RASEF: variants seen among roughly 807,000 people sequenced by gnomAD.
The protein encoded by RASEF is RAS and EF-hand domain containing.
Under a neutral mutation model 90.1 loss-of-function variants are expected in RASEF, and 68 were observed. The observed-to-expected ratio is 0.75, with a 90% confidence interval of 0.62 to 0.92. RASEF has a LOEUF of 0.92. RASEF is among the 40% of genes least tolerant of loss of function. RASEF has a pLI of 0.00. For synonymous variants in RASEF, 331 were observed against 345.2 expected, an observed-to-expected ratio of 0.96 and a Z score of 0.46; for missense variants, 949 against 937.2, an observed-to-expected ratio of 1.01 and a Z score of -0.16.
rs1828564088 is a variant in RASEF, at chr9:82,979,737, C to T, written c.*2940G>A. On this transcript the variant is annotated 3_prime_UTR_variant, in exon 17 of 17. Coordinates refer to ENST00000376447, the MANE Select transcript of RASEF (RefSeq NM_152573.4). ...CAGTATAAACGAAATATGGCCCACA[C>T]AATGAAAATGTAAACCATATAAATC... The T allele has an allele frequency of 6.6e-6, 1 of 152,058 alleles. No homozygotes were observed. Among genetic ancestry groups the T allele is most frequent in the Admixed American group, 6.6e-5 (1 of 15,260 alleles). 9.4% of individuals were successfully genotyped at this position (152,058 alleles called of 1,614,324 possible). A position where few individuals can be genotyped will look rare whatever the true frequency, so the allele number is the denominator to read the frequency against.
chr9:82,980,803 A>G lies in RASEF; in HGVS notation c.*1874T>C, dbSNP rs568919578. 1 of 152,336 alleles carries G rather than the reference A, an allele frequency of 6.6e-6. No homozygotes were observed. Among genetic ancestry groups the G allele is most frequent in the East Asian group, 1.9e-4 (1 of 5,182 alleles). The allele number at this position is 152,336 out of a possible 1,614,324, so 9.4% of individuals were successfully genotyped here. On this transcript the variant is annotated 3_prime_UTR_variant, in exon 17 of 17. Transcript: ENST00000376447. Reference sequence around the variant, plus strand: ...TTTTGAAAAATTTCCCATATGCAAGACATTCTTTATGATCAGAAATGTAAT... The same window carrying G: ...TTTTGAAAAATTTCCCATATGCAAGGCATTCTTTATGATCAGAAATGTAAT...
At chr9:83,054,538 C>T (rs1830068551) in intron 1 of RASEF, 1 of 146,766 alleles carries the variant, frequency 6.8e-6, no homozygotes, top group African/African-American at 2.6e-5. Flanking sequence ...GCCTTCTTCT[C>T]TCAGCTCGTC....
intron 14 of RASEF, among the ~76,000 whole-genome samples, chr9:82,996,111 C>T (rs573092421): frequency 6.6e-6 from 1 of 152,274 alleles, no homozygotes; most frequent in East Asian, 1.9e-4. Flanking sequence ...CAATTGCAAT[C>T]AGTCATTTCT....
chr9:83,010,837 G>C (rs1360219237), intron 5 of RASEF, among the ~76,000 whole-genome samples: 1 of 152,100 alleles, frequency 6.6e-6, no homozygotes, highest in Non-Finnish European at 1.5e-5. Flanking sequence ...CTTCAGGTGA[G>C]CATATCTGTT....
rs555243972 is a variant in RASEF at position 83,022,940 on chromosome 9, A to C, written c.579-514T>G. ...CATTTAGGTAATCCTTTATTGACCA[A>C]AACATTGTGATGTGGTACCTGACTA... On this transcript the variant is annotated intron_variant, in intron 2 of 16. Coordinates refer to ENST00000376447, the MANE Select transcript of RASEF (RefSeq NM_152573.4). Among the ~76,000 whole-genome samples, 8 of 152,348 alleles carry C rather than the reference A, an allele frequency of 5.3e-5. No individual in the cohort carries two copies. In the East Asian group the frequency reaches 1.5e-3, roughly 29 times the overall value.
At chr9:83,058,555 A>C (rs950720703) in intron 1 of RASEF, among the ~76,000 whole-genome samples, 11 of 152,270 alleles carry the variant, frequency 7.2e-5, no homozygotes, top group South Asian at 4.2e-4. Flanking sequence ...CATGTAAATT[A>C]AGGGAGCTGT....
At chr9:83,148,526 T>C in the RASEF span, among the ~76,000 whole-genome samples, 2 of 152,066 alleles carry the variant, frequency 1.3e-5, no homozygotes, top group African/African-American at 2.4e-5. Flanking sequence ...GAGAGAGGCA[T>C]GGAACAGATT....
At chr9:83,098,112 C>G in the RASEF span, among the ~76,000 whole-genome samples, 1 of 152,134 alleles carries the variant, frequency 6.6e-6, no homozygotes. Context: ...CAGTTGAGAA[C>G]TAAACTAATA....
chr9:83,076,465 G>A, the RASEF span, among the ~76,000 whole-genome samples: 1 of 151,812 alleles, frequency 6.6e-6, no homozygotes, highest in African/African-American at 2.4e-5. Flanking sequence ...CACAAAATGA[G>A]GTAGAAGACA....
the RASEF span, among the ~76,000 whole-genome samples, chr9:83,165,000 T>C: frequency 6.6e-6 from 1 of 151,818 alleles, no homozygotes. Flanking sequence ...TCAAAATACA[T>C]AAGGCAAAAA....
chr9:83,090,647 G>A, the RASEF span, among the ~76,000 whole-genome samples: 347 of 152,092 alleles, frequency 2.3e-3, no homozygotes, highest in African/African-American at 7.5e-3. Flanking sequence ...CAGGTGATCC[G>A]CCTCAGCCTC....
chr9:83,014,994 A>C (rs1258871450), intron 4 of RASEF, among the ~76,000 whole-genome samples: 1 of 152,192 alleles, frequency 6.6e-6, no homozygotes, highest in Admixed American at 6.5e-5. Context: ...CAAACAAACA[A>C]ACAAACTAAT....
the RASEF span, among the ~76,000 whole-genome samples, chr9:83,092,485 T>C: frequency 6.6e-6 from 1 of 151,826 alleles, no homozygotes; most frequent in Non-Finnish European, 1.5e-5. Flanking sequence ...GTTACAGCTC[T>C]TAGGGCGGCG....
At chr9:83,198,705 G>A in the RASEF span, among the ~76,000 whole-genome samples, 7 of 152,064 alleles carry the variant, frequency 4.6e-5, no homozygotes, top group African/African-American at 9.7e-5. Flanking sequence ...CGCTCTCAGC[G>A]ACCACTCCAC....
rs1829095765 is a variant in RASEF, at chr9:83,004,571, A to T, written c.1129T>A (p.Ser377Thr). Reference sequence around the variant, plus strand: ...CTTCTAGAAATTGTATTCCCTGGTGAGATATTATTTATATGCTGTAATATA... The same window carrying T: ...CTTCTAGAAATTGTATTCCCTGGTGTGATATTATTTATATGCTGTAATATA... The part of the protein sequence containing the change: ...FNRSLHINNI[S>T]PGNTISRSSP... The change falls in exon 9 of 17, where the codon TCA becomes ACA. Residue 377 changes from serine to threonine, a missense_variant. This residue lies in a region of RASEF where 656 missense variants were observed against 592.2 expected (regional missense o/e 1.11). Transcript: ENST00000376447. 6.3e-7 allele frequency: 1 copy of T among 1,582,292 alleles called. No individual in the cohort carries two copies. The highest frequency in any genetic ancestry group is 1.7e-5 in the Admixed American group (1 of 59,990).
the RASEF span, among the ~76,000 whole-genome samples, chr9:83,111,120 A>T: frequency 6.6e-6 from 1 of 152,220 alleles, no homozygotes; most frequent in Non-Finnish European, 1.5e-5. Flanking sequence ...AGAAACAATC[A>T]AACTTGGTTA....
chr9:82,993,044 A>T lies in RASEF; in HGVS notation c.1921-19T>A. ...CTGCATCCTACCAGGAAGAAAAAAA[A>T]AATGGGGCACACATCAAACACTGGA... On this transcript the variant is annotated intron_variant, in intron 14 of 16. Transcript: ENST00000376447. 4 of 1,610,198 alleles carry T rather than the reference A, an allele frequency of 2.5e-6. No individual in the cohort carries two copies. Among genetic ancestry groups the T allele is most frequent in the Non-Finnish European group, 1.7e-6 (2 of 1,178,728 alleles).
the RASEF span, among the ~76,000 whole-genome samples, chr9:83,118,013 T>C: frequency 0.024 from 3,645 of 152,288 alleles, 68 homozygotes; most frequent in Non-Finnish European, 0.036. Flanking sequence ...TTAATGTCTC[T>C]GGGCCTCAGT....
Position 83,063,082 on chromosome 9 carries a change from T to C in RASEF, c.-215A>G. On this transcript the variant is annotated 5_prime_UTR_variant, in exon 1 of 17. Coordinates refer to ENST00000376447, the MANE Select transcript of RASEF (RefSeq NM_152573.4). ...ACGGTTCGGGCCAGCCCCCAACAGG[T>C]CCCGGGAGCGGTGGGGTGCGCCCGG... is the stretch of plus-strand genomic sequence containing the variant. 2.0e-6 allele frequency: 1 copy of C among 505,866 alleles called. No individual in the cohort carries two copies. The highest frequency in any genetic ancestry group is 3.3e-6 in the Non-Finnish European group (1 of 301,660). 31.3% of individuals were successfully genotyped at this position (505,866 alleles called of 1,614,324 possible). A position where few individuals can be genotyped will look rare whatever the true frequency, so the allele number is the denominator to read the frequency against.
Sources: allele counts gnomAD v4.1 joint callset (sites outside exome capture counted in the v4.1 genomes callset), GRCh38; gene constraint gnomAD v4.1.1; regional missense constraint gnomAD v4.1.1; transcripts MANE v1.5; gene names NCBI Gene and HGNC (gene_info 2026-07-23, HGNC 2026-07-21).